LRRC4C: variants seen among roughly 807,000 people sequenced by gnomAD.
The protein encoded by LRRC4C is leucine-rich repeat-containing protein 4C.
LRRC4C carries 5 observed loss-of-function variants against 33.6 expected under a neutral mutation model. The ratio of observed to expected loss-of-function variants is 0.15; its 90% CI spans 0.08 to 0.31. The LOEUF (loss-of-function observed/expected upper bound fraction) is 0.31, where lower values mean the gene tolerates loss of function less well. LRRC4C is among the 10% of genes least tolerant of loss of function. The pLI, the probability that LRRC4C is intolerant of heterozygous loss-of-function variation, is 1.00. For missense variants in LRRC4C, 560 were observed against 796.7 expected (o/e 0.70, Z 3.58); for synonymous variants, 329 against 302.0 (o/e 1.09, Z -0.93).
At chr11:40,786,630 CA>C (rs1428084576) in intron 2 of LRRC4C, among the ~76,000 whole-genome samples, 1 of 152,058 alleles carries the variant, frequency 6.6e-6, no homozygotes, top group Admixed American at 6.5e-5. Context: ...AAGACTTGGC[CA>C]AACATAATAT....
At chr11:40,383,818 G>A (rs1033038851) in intron 3 of LRRC4C, among the ~76,000 whole-genome samples, 1 of 151,534 alleles carries the variant, frequency 6.6e-6, no homozygotes, top group Non-Finnish European at 1.5e-5. Context: ...TCTAGTAGCT[G>A]GGAACACAGG....
intron 2 of LRRC4C, among the ~76,000 whole-genome samples, chr11:40,783,840 A>T (rs1950309744): frequency 6.6e-6 from 1 of 152,098 alleles, no homozygotes; most frequent in Admixed American, 6.6e-5. Flanking sequence ...GTGCCTTGTA[A>T]ATCAGCTGTA....
chr11:40,499,756 A>G (rs942125126), intron 3 of LRRC4C, among the ~76,000 whole-genome samples: 1 of 152,186 alleles, frequency 6.6e-6, no homozygotes, highest in Non-Finnish European at 1.5e-5. Context: ...AAGGAAAGCC[A>G]AAGAAACGTG....
chr11:41,170,285 C>A (rs908346698), intron 1 of LRRC4C, among the ~76,000 whole-genome samples: 17 of 152,072 alleles, frequency 1.1e-4, no homozygotes, highest in African/African-American at 4.1e-4. Flanking sequence ...AAAAAAGAGC[C>A]CATATTGCCA....
chr11:40,939,945 G>A (rs997669294), intron 1 of LRRC4C, among the ~76,000 whole-genome samples: 1 of 152,088 alleles, frequency 6.6e-6, no homozygotes, highest in African/African-American at 2.4e-5. Flanking sequence ...CACTCCATCC[G>A]TGAAGGTCCA....
chr11:40,160,250 T>C lies in LRRC4C; in HGVS notation c.-95-19397A>G, dbSNP rs900396773. Among the ~76,000 whole-genome samples, 4 of 152,234 alleles carry C rather than the reference T, an allele frequency of 2.6e-5. No individual in the cohort carries two copies. The East Asian group carries it at 7.7e-4, about 29-fold the overall frequency. ...TGAAGTTGTGGGTGGTATTACATCC[T>C]GACTCTCAATTTTGTAGAGAGTAGC... On this transcript the variant is annotated intron_variant, in intron 5 of 6. Transcript: ENST00000528697.
At chr11:40,735,777 A>G (rs912832695) in intron 2 of LRRC4C, among the ~76,000 whole-genome samples, 1 of 149,764 alleles carries the variant, frequency 6.7e-6, no homozygotes, top group African/African-American at 2.5e-5. Flanking sequence ...TCCCACCAAC[A>G]GCGTAAAAGT....
intron 6 of LRRC4C, among the ~76,000 whole-genome samples, chr11:40,136,116 G>C (rs1039209810): frequency 5.9e-5 from 9 of 152,068 alleles, no homozygotes; most frequent in African/African-American, 2.2e-4. Context: ...CCACACCCAT[G>C]CATGTAAGCG....
chr11:40,589,666 A>T (rs896559965), intron 3 of LRRC4C, among the ~76,000 whole-genome samples: 1 of 151,870 alleles, frequency 6.6e-6, no homozygotes, highest in Non-Finnish European at 1.5e-5. Flanking sequence ...CTTTTAGGGC[A>T]GGCCTGGTGG....
intron 3 of LRRC4C, among the ~76,000 whole-genome samples, chr11:40,488,578 G>T (rs1953989294): frequency 6.6e-6 from 1 of 152,054 alleles, no homozygotes; most frequent in Non-Finnish European, 1.5e-5. Flanking sequence ...TCCTACATTT[G>T]AACTTGTTGT....
chr11:41,252,043 A>G (rs994398923), intron 1 of LRRC4C, among the ~76,000 whole-genome samples: 1 of 152,180 alleles, frequency 6.6e-6, no homozygotes, highest in African/African-American at 2.4e-5. Flanking sequence ...AAGAAATAAA[A>G]AATATCTTTC....
chr11:40,326,901 T>G (rs116736141), intron 3 of LRRC4C, among the ~76,000 whole-genome samples: 2,302 of 152,292 alleles, frequency 0.015, 55 homozygotes, highest in African/African-American at 0.052. Flanking sequence ...GAAAGTTCAG[T>G]AGTATTTCAG....
intron 4 of LRRC4C, among the ~76,000 whole-genome samples, chr11:40,315,442 A>C (rs1392174031): frequency 1.3e-5 from 2 of 151,946 alleles, no homozygotes; most frequent in Non-Finnish European, 2.9e-5. Context: ...ATTTTTCTAC[A>C]CATATAAATG....
At position 40,711,316 on chromosome 11, in the gene LRRC4C, G is replaced by T. The variant is rs149650699; in HGVS notation, c.-406-63038C>A. Among the ~76,000 whole-genome samples the T allele has an allele frequency of 2.7e-4, 41 of 152,106 alleles. 1 individual carries two copies. Among genetic ancestry groups the T allele is most frequent in the Non-Finnish European group, 4.7e-4 (32 of 68,012 alleles). ...TGCAGATGGGAGCTGTTCCTATTTG[G>T]TCATCTTGGAATGGACCGAACCTCA... On this transcript the variant is annotated intron_variant, in intron 2 of 6. Transcript: ENST00000528697.
chr11:40,208,021 T>C (rs537477015), intron 5 of LRRC4C, among the ~76,000 whole-genome samples: 2 of 152,292 alleles, frequency 1.3e-5, no homozygotes, highest in Non-Finnish European at 2.9e-5. Context: ...GAAACCTACT[T>C]GCTTATGATA....
At chr11:41,014,535 A>C (rs1855444995) in intron 1 of LRRC4C, among the ~76,000 whole-genome samples, 1 of 149,354 alleles carries the variant, frequency 6.7e-6, no homozygotes, top group Admixed American at 6.7e-5. Context: ...TTTTTATTGG[A>C]TACCATGATG....
At chr11:41,244,430 A>G (rs961876413) in intron 1 of LRRC4C, among the ~76,000 whole-genome samples, 2 of 152,176 alleles carry the variant, frequency 1.3e-5, no homozygotes, top group African/African-American at 4.8e-5. Context: ...AGTGACAACA[A>G]TTTCGGATAA....
chr11:40,450,437 T>A (rs1951832338), intron 3 of LRRC4C, among the ~76,000 whole-genome samples: 1 of 152,102 alleles, frequency 6.6e-6, no homozygotes, highest in African/African-American at 2.4e-5. Flanking sequence ...AAATATTTAT[T>A]ATATTATTTT....
At chr11:40,210,148 A>AT (rs1009739166) in intron 5 of LRRC4C, among the ~76,000 whole-genome samples, 13 of 148,580 alleles carry the variant, frequency 8.7e-5, no homozygotes, top group East Asian at 6.0e-4. Context: ...GAATATATAT[A>AT]AAAAAAAAAC....
Sources: gnomAD v4.1 joint callset for allele counts (sites outside exome capture counted in the v4.1 genomes callset) on GRCh38, gnomAD v4.1.1 for gene constraint, MANE v1.5 for transcripts, NCBI Gene and HGNC (gene_info 2026-07-23, HGNC 2026-07-21) for gene names.